RORA: variants seen among roughly 807,000 people sequenced by gnomAD.
The protein encoded by RORA is nuclear receptor ROR-alpha.
RORA carries 7 observed loss-of-function variants against 69.5 expected under a neutral mutation model. That is an observed-to-expected ratio of 0.10 (90% CI 0.06 to 0.19). The LOEUF is 0.19. RORA is among the 10% of genes least tolerant of loss of function. RORA has a pLI of 1.00. For missense variants in RORA, 457 were observed against 663.0 expected, an observed-to-expected ratio of 0.69 and a Z score of 3.41; for synonymous variants, 261 against 240.8, an observed-to-expected ratio of 1.08 and a Z score of -0.78.
intron 1 of RORA, among the ~76,000 whole-genome samples, chr15:61,044,876 A>T (rs1043520654): frequency 6.6e-6 from 1 of 152,208 alleles, no homozygotes; most frequent in African/African-American, 2.4e-5. Context: ...TCTGTGAAGC[A>T]CTGCCCTGGG....
intron 1 of RORA, among the ~76,000 whole-genome samples, chr15:60,744,641 A>G (rs2071622784): frequency 6.6e-6 from 1 of 152,158 alleles, no homozygotes; most frequent in Non-Finnish European, 1.5e-5. Context: ...CAAGTAAGAT[A>G]AGGGTATGCC....
At chr15:60,525,378 C>T (rs1230597928) in intron 3 of RORA, among the ~76,000 whole-genome samples, 1 of 152,204 alleles carries the variant, frequency 6.6e-6, no homozygotes, top group Admixed American at 6.5e-5. Context: ...CTGTGTGGGG[C>T]TCCTTCTCAG....
At chr15:60,809,789 G>GT (rs34269284) in intron 1 of RORA, among the ~76,000 whole-genome samples, 103,844 of 150,122 alleles carry the variant, frequency 0.69, 36,455 homozygotes, top group South Asian at 0.82. Flanking sequence ...ATAATATTAT[G>GT]TTTTTTTTTT....
chr15:61,108,928 G>A (rs1036793056), intron 1 of RORA, among the ~76,000 whole-genome samples: 2 of 152,162 alleles, frequency 1.3e-5, no homozygotes, highest in Admixed American at 1.3e-4. Context: ...GTCAGGCACC[G>A]TGGCTCACAC....
chr15:61,165,891 G>A (rs2079536421), intron 1 of RORA, among the ~76,000 whole-genome samples: 1 of 152,136 alleles, frequency 6.6e-6, no homozygotes, highest in Non-Finnish European at 1.5e-5. Context: ...TACTATCTGT[G>A]GTTTATAGAT....
intron 2 of RORA, among the ~76,000 whole-genome samples, chr15:60,545,629 C>T (rs1012762961): frequency 2.0e-5 from 3 of 152,224 alleles, no homozygotes; most frequent in Non-Finnish European, 4.4e-5. Context: ...CCTTTTCCCT[C>T]TTCTGGTCTG....
At chr15:60,665,249 T>A (rs901449296) in intron 2 of RORA, among the ~76,000 whole-genome samples, 8 of 152,242 alleles carry the variant, frequency 5.3e-5, no homozygotes, top group Admixed American at 5.2e-4. Flanking sequence ...TTTCCCTTGA[T>A]AGGATACACC....
intron 2 of RORA, among the ~76,000 whole-genome samples, chr15:60,639,219 A>ATTTTTTT (rs71122868): frequency 2.3e-5 from 3 of 131,336 alleles, no homozygotes; most frequent in Admixed American, 1.6e-4. Context: ...AGGTTTTTGT[A>ATTTTTTT]TTTTTTTTTT....
chr15:60,647,146 TG>T (rs1286275182), intron 2 of RORA, among the ~76,000 whole-genome samples: 1 of 152,218 alleles, frequency 6.6e-6, no homozygotes, highest in African/African-American at 2.4e-5. Context: ...GCTAACTTTC[TG>T]GGTATAGCTT....
At chr15:60,696,298 T>G (rs1256225987) in intron 1 of RORA, among the ~76,000 whole-genome samples, 1 of 151,854 alleles carries the variant, frequency 6.6e-6, no homozygotes, top group Non-Finnish European at 1.5e-5. Flanking sequence ...GGGGAATCGG[T>G]CCTCCCAGCT....
chr15:60,680,982 C>G (rs1168080136), intron 1 of RORA, among the ~76,000 whole-genome samples: 1 of 151,918 alleles, frequency 6.6e-6, no homozygotes, highest in African/African-American at 2.4e-5. Flanking sequence ...TTTTTTTAAC[C>G]TAGCCATTCT....
intron 1 of RORA, among the ~76,000 whole-genome samples, chr15:60,989,295 T>C (rs1176477207): frequency 6.6e-6 from 1 of 152,238 alleles, no homozygotes; most frequent in Admixed American, 6.5e-5. Context: ...ATTATGGATA[T>C]ACCATATAAA....
chr15:60,726,843 A>T (rs934401499), intron 1 of RORA, among the ~76,000 whole-genome samples: 3 of 152,196 alleles, frequency 2.0e-5, no homozygotes, highest in Non-Finnish European at 2.9e-5. Flanking sequence ...ATCAAAAAGG[A>T]CAAGGAGGAA....
chr15:61,225,067 T>G (rs1208534944), intron 1 of RORA, among the ~76,000 whole-genome samples: 1 of 152,026 alleles, frequency 6.6e-6, no homozygotes, highest in African/African-American at 2.4e-5. Flanking sequence ...AATAATTCAA[T>G]TTTTTTTAAG....
chr15:61,183,309 C>T (rs1027780167), intron 1 of RORA, among the ~76,000 whole-genome samples: 1 of 152,178 alleles, frequency 6.6e-6, no homozygotes, highest in African/African-American at 2.4e-5. Context: ...GCAAAGTGGG[C>T]AGATCACCTG....
At chr15:60,892,827 A>C (rs1024533771) in intron 1 of RORA, among the ~76,000 whole-genome samples, 3 of 152,228 alleles carry the variant, frequency 2.0e-5, no homozygotes, top group Non-Finnish European at 4.4e-5. Context: ...AAAGGGAAGG[A>C]AAGTTGGCAT....
intron 1 of RORA, among the ~76,000 whole-genome samples, chr15:61,199,496 C>T (rs141191214): frequency 1.3e-5 from 2 of 152,244 alleles, no homozygotes; most frequent in Admixed American, 6.5e-5. Context: ...AGAAAAATCC[C>T]GTTTTGACTC....
intron 2 of RORA, among the ~76,000 whole-genome samples, chr15:60,573,535 C>T (rs941204679): frequency 6.6e-6 from 1 of 152,216 alleles, no homozygotes; most frequent in East Asian, 1.9e-4. Flanking sequence ...AGCCTCCCTC[C>T]GTGGCCTCCC....
chr15:60,967,232 G>A (rs930269678), intron 1 of RORA, among the ~76,000 whole-genome samples: 2 of 151,858 alleles, frequency 1.3e-5, no homozygotes, highest in Non-Finnish European at 1.5e-5. Context: ...GTTATACATC[G>A]GCATATATAT....
Sources: allele counts gnomAD v4.1 joint callset (sites outside exome capture counted in the v4.1 genomes callset), GRCh38; gene constraint gnomAD v4.1.1; transcripts MANE v1.5; gene names NCBI Gene and HGNC (gene_info 2026-07-23, HGNC 2026-07-21).